Variants in NRDC observed in about 807,000 individuals in gnomAD.
NRDC encodes the protein nardilysin.
Under a neutral mutation model 147.1 loss-of-function variants are expected in NRDC, and 54 were observed. The ratio of observed to expected loss-of-function variants is 0.37; its 90% CI spans 0.29 to 0.46. The LOEUF (loss-of-function observed/expected upper bound fraction) is 0.46, where lower values mean the gene tolerates loss of function less well. NRDC is among the 20% of genes least tolerant of loss of function. The pLI is 1.00. For missense variants in NRDC, 1,082 were observed against 1,370.6 expected (o/e 0.79, Z 3.33); for synonymous variants, 440 against 482.1 (o/e 0.91, Z 1.14).
intron 1 of NRDC, among the ~76,000 whole-genome samples, chr1:51,859,560 T>C (rs547181638): frequency 2.6e-5 from 4 of 152,302 alleles, no homozygotes; most frequent in East Asian, 3.9e-4. Flanking sequence ...CCAGGCAATG[T>C]CTTCCCATTT....
Position 51,813,915 on chromosome 1 carries a change from T to G in NRDC, c.1674+120A>C, listed in dbSNP as rs889326158. On this transcript the variant is annotated intron_variant, in intron 14 of 30. Coordinates refer to ENST00000352171, the MANE Select transcript of NRDC (RefSeq NM_001101662.2). ...GATAGCTTCAAGGCCACCTGGAGAC[T>G]CACATGACACAGAATGACAGAATTA... 8.5e-6 allele frequency: 6 copies of G among 708,230 alleles called. No individual in the cohort carries two copies. In the African/African-American group the frequency reaches 8.9e-5, roughly 11 times the overall value. The allele number at this position is 708,230 out of a possible 1,614,324, so 43.9% of individuals were successfully genotyped here.
intron 1 of NRDC, among the ~76,000 whole-genome samples, chr1:51,844,906 C>T (rs1681477128): frequency 6.6e-6 from 1 of 151,186 alleles, no homozygotes; most frequent in African/African-American, 2.4e-5. Context: ...AGGCTGACAG[C>T]TTGATCTTGA....
At chr1:51,833,491 T>G (rs1331826206) in intron 4 of NRDC, among the ~76,000 whole-genome samples, 1 of 150,536 alleles carries the variant, frequency 6.6e-6, no homozygotes, top group Non-Finnish European at 1.5e-5. Flanking sequence ...ACATAATTAA[T>G]AAAATTAATA....
At chr1:51,789,824 C>T in intron 29 of NRDC, 167 bp from the exon 30 acceptor site, 1 of 604,912 alleles carries the variant, frequency 1.7e-6, no homozygotes, top group Non-Finnish European at 2.9e-6. Context: ...TGATGAAGCT[C>T]TCTGGCATGC....
intron 1 of NRDC, among the ~76,000 whole-genome samples, chr1:51,853,762 T>C (rs894408226): frequency 1.3e-5 from 2 of 152,232 alleles, no homozygotes; most frequent in African/African-American, 4.8e-5. Flanking sequence ...AATACTTATA[T>C]AAATGAATCT....
At chr1:51,853,216 C>CA (rs942070091) in intron 1 of NRDC, among the ~76,000 whole-genome samples, 187 of 143,684 alleles carry the variant, frequency 1.3e-3, no homozygotes, top group East Asian at 5.0e-3. Context: ...AGACTGTCTC[C>CA]AAAAAAAAAT....
At chr1:51,810,230 C>G (rs773261742) in intron 16 of NRDC, 51 bp downstream of exon 16, 2 of 1,355,914 alleles carry the variant, frequency 1.5e-6, no homozygotes, top group Non-Finnish European at 1.0e-6. Flanking sequence ...ATAAACATTT[C>G]CAGGTAAGTT....
chr1:51,859,117 T>C (rs527984772), intron 1 of NRDC, among the ~76,000 whole-genome samples: 1 of 152,296 alleles, frequency 6.6e-6, no homozygotes, highest in East Asian at 1.9e-4. Flanking sequence ...AAATTTAAGG[T>C]TGCCTAGCTA....
In NRDC at chr1:51,790,421, C is replaced by T. The variant is rs1409843565; in HGVS notation, c.3168+112G>A. 6 of 754,066 alleles carry T rather than the reference C, an allele frequency of 8.0e-6. No individual in the cohort carries two copies. In the East Asian group the frequency reaches 1.2e-4, roughly 15 times the overall value. The allele number at this position is 754,066 out of a possible 1,614,324, so 46.7% of individuals were successfully genotyped here. A position where few individuals can be genotyped will look rare whatever the true frequency, so the allele number is the denominator to read the frequency against. ...AAGTGAGCGAGTAATCAGGCCAGGA[C>T]TAGTGTTTCGAGTTTCTCTTCCACA... On this transcript the variant is annotated intron_variant, in intron 29 of 30. Coordinates refer to ENST00000352171, the MANE Select transcript of NRDC (RefSeq NM_001101662.2).
intron 2 of NRDC, among the ~76,000 whole-genome samples, chr1:51,837,131 C>T (rs764475034): frequency 1.6e-4 from 24 of 152,166 alleles, no homozygotes; most frequent in South Asian, 1.0e-3. Context: ...GGAGAAAAAA[C>T]GGTCAATTTG....
chr1:51,844,936 G>A (rs1435625266), intron 1 of NRDC, among the ~76,000 whole-genome samples: 1 of 151,936 alleles, frequency 6.6e-6, no homozygotes, highest in Non-Finnish European at 1.5e-5. Flanking sequence ...CCCCAGAGCT[G>A]TTATTTAAGC....
Position 51,878,546 on chromosome 1 carries a change from G to A in NRDC, c.70C>T (p.Leu24Phe), listed in dbSNP as rs764388990. 2 of 1,613,552 alleles carry A rather than the reference G, an allele frequency of 1.2e-6. No individual in the cohort carries two copies. The highest frequency in any genetic ancestry group is 1.7e-6 in the Non-Finnish European group (2 of 1,179,848). The change falls in exon 1 of 31, where the codon CTC becomes TTC. Residue 24 changes from leucine (L) to phenylalanine (F), a missense_variant. Leu to Phe is a conservative substitution (Grantham distance 22). Transcript: ENST00000352171. Reference sequence around the variant, plus strand: ...GTTTCGATTCCCCAGAGCGCCGCGAGCTCCCGCCCGGCCTCACACAACTTC... The same window carrying A: ...GTTTCGATTCCCCAGAGCGCCGCGAACTCCCGCCCGGCCTCACACAACTTC... ...RRKLCEAGRE[L>F]AALWGIETRG...
chr1:51,791,067 A>C, intron 27 of NRDC, 77 bp from the exon 28 acceptor site: 1 of 986,598 alleles, frequency 1.0e-6, no homozygotes. Flanking sequence ...TCTCAGGCAG[A>C]AGGCAAAAGA....
chr1:51,868,434 A>G (rs946006262), intron 1 of NRDC, among the ~76,000 whole-genome samples: 2 of 152,130 alleles, frequency 1.3e-5, no homozygotes, highest in African/African-American at 4.8e-5. Context: ...AACAAAATAG[A>G]AGGCCTTGGA....
Position 51,816,292 on chromosome 1 carries a change from CTTA to C in NRDC, c.1439+17_1439+19del, listed in dbSNP as rs777412249. The C allele has an allele frequency of 6.5e-7, 1 of 1,528,878 alleles. No individual in the cohort carries two copies. Among genetic ancestry groups the C allele is most frequent in the South Asian group, 1.2e-5 (1 of 83,028 alleles). The allele number at this position is 1,528,878 out of a possible 1,614,324, so 94.7% of individuals were successfully genotyped here. ...TTCAGAGATTGCTATACTGAAAATACTTATTAATTGAATACTTGCTTTTTCCTA... is the reference window on the plus strand; with the variant it reads ...TTCAGAGATTGCTATACTGAAAATACTTAATTGAATACTTGCTTTTTCCTA... On this transcript the variant is annotated intron_variant, in intron 11 of 30. Transcript: ENST00000352171.
At chr1:51,834,271 G>C (rs914489974) in intron 3 of NRDC, 101 bp from the exon 4 acceptor site, 1 of 1,163,724 alleles carries the variant, frequency 8.6e-7, no homozygotes, top group South Asian at 1.4e-5. Context: ...AAAGAAAATA[G>C]ACCAACACAT....
chr1:51,799,056 C>G (rs528999029), intron 21 of NRDC: 1 of 152,024 alleles, frequency 6.6e-6, no homozygotes, highest in Non-Finnish European at 1.5e-5. Context: ...TATTATTATT[C>G]TTTTATAAAG....
intron 11 of NRDC, among the ~76,000 whole-genome samples, chr1:51,815,174 CTTTTT>C (rs58581893): frequency 7.1e-6 from 1 of 141,666 alleles, no homozygotes; most frequent in Non-Finnish European, 1.5e-5. Flanking sequence ...TTTTGCTTAC[CTTTTT>C]TTCTTTTTTT....
chr1:51,848,633 AG>A (rs1294235603), intron 1 of NRDC, among the ~76,000 whole-genome samples: 1 of 152,230 alleles, frequency 6.6e-6, no homozygotes, highest in Non-Finnish European at 1.5e-5. Context: ...CCAAAATCAA[AG>A]AACTATAAAC....
Sources: allele counts gnomAD v4.1 joint callset (sites outside exome capture counted in the v4.1 genomes callset), GRCh38; gene constraint gnomAD v4.1.1; transcripts MANE v1.5; gene names NCBI Gene and HGNC (gene_info 2026-07-23, HGNC 2026-07-21).